Variants in COLGALT1 observed in about 807,000 individuals in gnomAD.
COLGALT1 encodes the protein procollagen galactosyltransferase 1.
Under a neutral mutation model 60.8 loss-of-function variants are expected in COLGALT1, and 43 were observed. The ratio of observed to expected loss-of-function variants is 0.71; its 90% CI spans 0.55 to 0.91. COLGALT1 has a LOEUF of 0.91. COLGALT1 is among the 40% of genes least tolerant of loss of function. The pLI is 0.00. For missense variants in COLGALT1, 845 were observed against 880.0 expected, an observed-to-expected ratio of 0.96 and a Z score of 0.50; for synonymous variants, 369 against 374.2, an observed-to-expected ratio of 0.99 and a Z score of 0.16.
chr19:17,557,230 C>T (rs1346546023), intron 1 of COLGALT1, among the ~76,000 whole-genome samples: 1 of 152,116 alleles, frequency 6.6e-6, no homozygotes, highest in Non-Finnish European at 1.5e-5. Flanking sequence ...TTGACTGCAG[C>T]CCACTGAAGT....
intron 3 of COLGALT1, among the ~76,000 whole-genome samples, chr19:17,563,381 A>C (rs1599780408): frequency 6.8e-6 from 1 of 148,098 alleles, no homozygotes. Flanking sequence ...ACGGAGTCTC[A>C]CTCTGTCGCC....
At chr19:17,572,941 C>T (rs2076321491) in intron 6 of COLGALT1, among the ~76,000 whole-genome samples, 1 of 152,102 alleles carries the variant, frequency 6.6e-6, no homozygotes, top group Non-Finnish European at 1.5e-5. Context: ...GGGACGTGAA[C>T]CTGGGGAACA....
intron 10 of COLGALT1, chr19:17,580,386 T>C: frequency 2.2e-5 from 9 of 404,828 alleles, no homozygotes; most frequent in South Asian, 8.9e-5. Context: ...TCAGGGCACC[T>C]CGCCCACCTC....
At chr19:17,571,139 C>T (rs184061548) in intron 5 of COLGALT1, among the ~76,000 whole-genome samples, 14 of 152,046 alleles carry the variant, frequency 9.2e-5, no homozygotes, top group Admixed American at 2.6e-4. Context: ...TAAAAGAGGC[C>T]GGGTGTAGTG....
At chr19:17,566,405 T>G (rs1412038609) in intron 3 of COLGALT1, among the ~76,000 whole-genome samples, 1 of 152,086 alleles carries the variant, frequency 6.6e-6, no homozygotes, top group Admixed American at 6.6e-5. Flanking sequence ...AGTTCTGTGA[T>G]ATATCATGAC....
At position 17,577,482 on chromosome 19, in the gene COLGALT1, TGGGGGTG is replaced by T; in HGVS notation, c.1133+21_1133+27del. 1 of 6,644 alleles carries T rather than the reference TGGGGGTG, an allele frequency of 1.5e-4. No homozygotes were observed. The highest frequency in any genetic ancestry group is 2.4e-4 in the Non-Finnish European group (1 of 4,152). The allele number at this position is 6,644 out of a possible 1,614,324, so 0.4% of individuals were successfully genotyped here. On this transcript the variant is annotated intron_variant, in intron 8 of 11. Coordinates refer to ENST00000252599, the MANE Select transcript of COLGALT1 (RefSeq NM_024656.4). ...GTGGACGGCAAGTGAGTCCGAGGCC[TGGGGGTG>T]GGGGGGCGGGTCCGCACGTGGATGT...
chr19:17,569,556 C>T (rs2076299839), intron 5 of COLGALT1, among the ~76,000 whole-genome samples: 2 of 151,962 alleles, frequency 1.3e-5, no homozygotes, highest in Non-Finnish European at 2.9e-5. Context: ...CCTGCCTCAG[C>T]CTCCCAAGTA....
Position 17,581,163 on chromosome 19 carries a change from C to T in COLGALT1, c.1602-14C>T. Reference sequence around the variant, plus strand: ...AGCCATTGCTGCCCCTCACTCCCCTCCTCCTCCCCCCAGGTCCGAGTACAA... The same window carrying T: ...AGCCATTGCTGCCCCTCACTCCCCTTCTCCTCCCCCCAGGTCCGAGTACAA... On this transcript the variant is annotated splice_polypyrimidine_tract_variant and intron_variant, in intron 11 of 11. Coordinates refer to ENST00000252599, the MANE Select transcript of COLGALT1 (RefSeq NM_024656.4). The T allele has an allele frequency of 1.2e-6, 2 of 1,602,408 alleles. No individual in the cohort carries two copies. Among genetic ancestry groups the T allele is most frequent in the Non-Finnish European group, 1.7e-6 (2 of 1,175,378 alleles).
rs374690884 is a variant in COLGALT1, at chr19:17,556,187, C to T, written c.260+214C>T. 2.0e-5 allele frequency among the ~76,000 whole-genome samples: 3 copies of T among 152,356 alleles called. No homozygotes were observed. The East Asian group carries it at 5.8e-4, about 29-fold the overall frequency. ...TCCACGCGTGCCCCCTGCCTGCTGT[C>T]CTCCCATGGGGCCAGACACAGCCCT... On this transcript the variant is annotated intron_variant, in intron 1 of 11. Transcript: ENST00000252599.
At chr19:17,568,761 T>G in intron 5 of COLGALT1, 48 bp downstream of exon 5, 1 of 1,601,290 alleles carries the variant, frequency 6.2e-7, no homozygotes, top group South Asian at 1.1e-5. Flanking sequence ...GCCTGGTTCT[T>G]TGGGTTTTGC....
chr19:17,577,463 G>T lies in COLGALT1; in HGVS notation c.1129G>T (p.Gly377Cys). 2 of 1,374,126 alleles carry T rather than the reference G, an allele frequency of 1.5e-6. No homozygotes were observed. The highest frequency in any genetic ancestry group is 1.4e-5 in the South Asian group (1 of 71,104). 85.1% of individuals were successfully genotyped at this position (1,374,126 alleles called of 1,614,324 possible). A position where few individuals can be genotyped will look rare whatever the true frequency, so the allele number is the denominator to read the frequency against. ...IECRLVEAVD[G>C]KAMNTSQVEA... ...GTGCCGGCTGGTGGAGGCCGTGGACGGCAAGTGAGTCCGAGGCCTGGGGGT... is the reference window on the plus strand; with the variant it reads ...GTGCCGGCTGGTGGAGGCCGTGGACTGCAAGTGAGTCCGAGGCCTGGGGGT... Residue 377 changes from glycine to cysteine, a missense_variant, in exon 8 of 12, where the codon GGC (glycine) becomes TGC (cysteine). Physicochemically the swap from Gly to Cys is radical, Grantham distance 159. Transcript: ENST00000252599.
rs770049296 is a variant in COLGALT1, at chr19:17,568,646, A to C, written c.762A>C (p.Pro254=). 1.2e-6 allele frequency: 2 copies of C among 1,613,820 alleles called. No individual in the cohort carries two copies. Among genetic ancestry groups the C allele is most frequent in the Admixed American group, 3.3e-5 (2 of 59,966 alleles). The part of the protein sequence containing the change: ...KAASRNLAFY[P]PHPDYTWSFD... ...CGTCCAGGAACCTGGCCTTCTACCC[A>C]CCTCACCCTGACTACACCTGGTCCT... The change falls in exon 5 of 12, where the codon CCA becomes CCC. Residue 254 remains proline, a synonymous_variant. Coordinates refer to ENST00000252599, the MANE Select transcript of COLGALT1 (RefSeq NM_024656.4).
At chr19:17,575,869 A>G (rs2076337740) in intron 6 of COLGALT1, among the ~76,000 whole-genome samples, 1 of 152,120 alleles carries the variant, frequency 6.6e-6, no homozygotes, top group Non-Finnish European at 1.5e-5. Flanking sequence ...ACCTCATTTT[A>G]ACTCGATGAC....
chr19:17,556,570 A>C, intron 1 of COLGALT1: 1 of 984,120 alleles, frequency 1.0e-6, no homozygotes, highest in Non-Finnish European at 1.2e-6. Context: ...CAGAGCTCTG[A>C]AGAAACCTTT....
chr19:17,581,656 G>A lies in COLGALT1; in HGVS notation c.*212G>A, dbSNP rs542338197. ...GCCAGCAACAGGGCTTGGCCCTGGG[G>A]AATTGGGAGGAACCAAGCCCTCTTC... On this transcript the variant is annotated 3_prime_UTR_variant, in exon 12 of 12. Transcript: ENST00000252599. The A allele has an allele frequency of 5.0e-5, 32 of 640,354 alleles. No individual in the cohort carries two copies. Among genetic ancestry groups the A allele is most frequent in the Non-Finnish European group, 6.9e-5 (26 of 377,320 alleles). 39.7% of individuals were successfully genotyped at this position (640,354 alleles called of 1,614,324 possible). A position where few individuals can be genotyped will look rare whatever the true frequency, so the allele number is the denominator to read the frequency against.
rs560440714 is a variant in COLGALT1, at chr19:17,571,714, T to A, written c.830-769T>A. 9.9e-5 allele frequency among the ~76,000 whole-genome samples: 15 copies of A among 151,776 alleles called. No individual in the cohort carries two copies. The South Asian group carries it at 1.2e-3, about 13-fold the overall frequency. On this transcript the variant is annotated intron_variant, in intron 5 of 11. Coordinates refer to ENST00000252599, the MANE Select transcript of COLGALT1 (RefSeq NM_024656.4). ...GCCTGGGCGACAGAACGAGACTCTG[T>A]CTCAAAAAAAAAGATACACACTCAT... is the stretch of plus-strand genomic sequence containing the variant.
chr19:17,579,050 C>T (rs1385091722), intron 9 of COLGALT1, among the ~76,000 whole-genome samples: 1 of 151,882 alleles, frequency 6.6e-6, no homozygotes, highest in African/African-American at 2.4e-5. Context: ...TGGCACATGC[C>T]TGTAATCCCA....
chr19:17,578,211 G>A (rs1462359910), intron 9 of COLGALT1, 122 bp downstream of exon 9: 5 of 1,129,910 alleles, frequency 4.4e-6, no homozygotes, highest in Non-Finnish European at 5.9e-6. Context: ...TCAGCCATGG[G>A]ACCCATGGCC....
intron 9 of COLGALT1, among the ~76,000 whole-genome samples, 191 bp from the exon 10 acceptor site, chr19:17,579,291 C>G (rs2076363903): frequency 6.6e-6 from 1 of 151,472 alleles, no homozygotes; most frequent in African/African-American, 2.4e-5. Context: ...GGAGGCCTTT[C>G]TCTTCTGAGA....
Sources: allele counts gnomAD v4.1 joint callset (sites outside exome capture counted in the v4.1 genomes callset), GRCh38; gene constraint gnomAD v4.1.1; transcripts MANE v1.5; gene names NCBI Gene and HGNC (gene_info 2026-07-23, HGNC 2026-07-21).